ARFGEF1: variants seen among roughly 807,000 people sequenced by gnomAD.
The protein encoded by ARFGEF1 is brefeldin A-inhibited guanine nucleotide-exchange protein 1.
Under a neutral mutation model 231.0 loss-of-function variants are expected in ARFGEF1, and 42 were observed. The observed-to-expected ratio is 0.18, with a 90% CI of 0.14 to 0.24. The LOEUF is 0.24. Ranked by LOEUF, ARFGEF1 falls within the 10% of genes least tolerant of loss-of-function variation. The probability of loss-of-function intolerance (pLI) is 1.00; values close to 1 mark genes in which losing one functional copy is unlikely to be tolerated. For synonymous variants in ARFGEF1, 710 were observed against 732.3 expected, an observed-to-expected ratio of 0.97 and a Z score of 0.49; for missense variants, 1,345 against 2,192.0, an observed-to-expected ratio of 0.61 and a Z score of 7.72.
chr8:67,192,615 T>C (rs1033972135), intron 5 of ARFGEF1, among the ~76,000 whole-genome samples: 1 of 152,194 alleles, frequency 6.6e-6, no homozygotes, highest in Non-Finnish European at 1.5e-5. Flanking sequence ...AACCACAAGA[T>C]CATGAAGATT....
rs896089663 is a variant in ARFGEF1 at position 67,322,004 on chromosome 8, T to C, written c.125-19538A>G. ...CCCTTCCTTGCATTCCACACTCCAATTGTAAAGGAACATTGTAAATCCCCT... is the reference window on the plus strand; with the variant it reads ...CCCTTCCTTGCATTCCACACTCCAACTGTAAAGGAACATTGTAAATCCCCT... On this transcript the variant is annotated intron_variant, in intron 1 of 38. Transcript: ENST00000262215. 5.9e-5 allele frequency among the ~76,000 whole-genome samples: 9 copies of C among 152,182 alleles called. No homozygotes were observed. The East Asian group carries it at 9.6e-4, about 16-fold the overall frequency.
chr8:67,321,553 C>T (rs1328024252), intron 1 of ARFGEF1, among the ~76,000 whole-genome samples: 2 of 152,084 alleles, frequency 1.3e-5, no homozygotes, highest in African/African-American at 4.8e-5. Flanking sequence ...CTCCACCTCC[C>T]GGGTTCACGC....
At chr8:67,259,962 A>C in intron 14 of ARFGEF1, 36 bp from the exon 15 acceptor site, 2 of 1,418,094 alleles carry the variant, frequency 1.4e-6, no homozygotes, top group African/African-American at 2.9e-5. Context: ...AAAAATAGAA[A>C]ACCATTCGTA....
intron 33 of ARFGEF1, among the ~76,000 whole-genome samples, chr8:67,214,051 T>C (rs528526970): frequency 7.2e-5 from 11 of 152,180 alleles, no homozygotes; most frequent in Admixed American, 3.3e-4. Context: ...AGACACATGA[T>C]AGGGAAACAC....
chr8:67,210,063 G>A (rs1838671625), intron 34 of ARFGEF1, among the ~76,000 whole-genome samples: 1 of 150,106 alleles, frequency 6.7e-6, no homozygotes, highest in African/African-American at 2.5e-5. Flanking sequence ...GCTGAGGCAG[G>A]AGAATGGCGT....
intron 15 of ARFGEF1, among the ~76,000 whole-genome samples, chr8:67,259,128 T>C (rs1222920875): frequency 1.3e-5 from 2 of 152,206 alleles, no homozygotes; most frequent in Non-Finnish European, 2.9e-5. Flanking sequence ...CTGAATATTT[T>C]CAATTTGTGG....
intron 5 of ARFGEF1, among the ~76,000 whole-genome samples, chr8:67,293,256 T>C (rs1189778758): frequency 2.6e-5 from 4 of 152,278 alleles, no homozygotes; most frequent in Non-Finnish European, 4.4e-5. Flanking sequence ...AGTTCTGCAG[T>C]TGTTTAAGGG....
In ARFGEF1 at chr8:67,266,885, T is replaced by C. The variant is rs1472971986; in HGVS notation, c.1912A>G (p.Thr638Ala). 3.1e-6 allele frequency: 5 copies of C among 1,611,556 alleles called. No individual in the cohort carries two copies. The highest frequency in any genetic ancestry group is 4.2e-6 in the Non-Finnish European group (5 of 1,178,470). ...KDQYVNPNSQ[T>A]TLGQEKPSEQ... ...CAAAATATCACCTTACCAAGAGTTG[T>C]CTGGGAGTTGGGATTCACATACTGA... The change falls in exon 13 of 39, where the codon ACA becomes GCA. Residue 638 changes from threonine (T) to alanine (A), a missense_variant. Physicochemically the swap from Thr to Ala is moderately conservative, Grantham distance 58. Transcript: ENST00000262215.
At position 67,271,866 on chromosome 8, in the gene ARFGEF1, T is replaced by C; in HGVS notation, c.1408A>G (p.Ile470Val). 1 of 1,613,756 alleles carries C rather than the reference T, an allele frequency of 6.2e-7. No individual in the cohort carries two copies. The highest frequency in any genetic ancestry group is 8.5e-7 in the Non-Finnish European group (1 of 1,179,826). ...ATAAACATCTCATTTGTCCTGAAAA[T>C]AGGTCCTGCATTCTGCAGAATGGAT... ...LLSILQNAGP[I>V]FRTNEMFINA... Residue 470 changes from isoleucine to valine, a missense_variant, in exon 10 of 39, where the codon ATT (isoleucine) becomes GTT (valine). This residue lies in a region of ARFGEF1 where 141 missense variants were observed against 259.9 expected (regional missense o/e 0.54). Coordinates refer to ENST00000262215, the MANE Select transcript of ARFGEF1 (RefSeq NM_006421.5).
chr8:67,192,093 TAC>T lies in ARFGEF1; in HGVS notation c.560+8301_560+8302del, dbSNP rs1365126636. Among the ~76,000 whole-genome samples the T allele has an allele frequency of 9.7e-4, 144 of 148,220 alleles. 1 individual carries two copies. In the Middle Eastern group the frequency reaches 0.014, roughly 14 times the overall value. On this transcript the variant is annotated intron_variant, in intron 5 of 5. Transcript: ENST00000518789. ...TTTTTTTTTTGTTTTTTTTTTTTGATACAGAGTCCTGCTCTGTCACCTAGGCT... is the reference window on the plus strand; with the variant it reads ...TTTTTTTTTTGTTTTTTTTTTTTGATAGAGTCCTGCTCTGTCACCTAGGCT...
intron 24 of ARFGEF1, 36 bp from the exon 25 acceptor site, chr8:67,228,168 T>C (rs760702391): frequency 1.2e-6 from 2 of 1,606,488 alleles, no homozygotes; most frequent in South Asian, 1.1e-5. Context: ...TAGCTCAACA[T>C]TAAAGTTATT....
intron 1 of ARFGEF1, among the ~76,000 whole-genome samples, chr8:67,315,853 C>G (rs757397679): frequency 4.6e-5 from 7 of 151,826 alleles, no homozygotes; most frequent in Non-Finnish European, 7.4e-5. Flanking sequence ...TAAAGGGAGA[C>G]TTACAGCACT....
In ARFGEF1 at chr8:67,197,756, G is replaced by C; in HGVS notation, c.*1178C>G. 2 of 985,772 alleles carry C rather than the reference G, an allele frequency of 2.0e-6. No individual in the cohort carries two copies. The highest frequency in any genetic ancestry group is 2.4e-6 in the Non-Finnish European group (2 of 829,886). The allele number at this position is 985,772 out of a possible 1,614,324, so 61.1% of individuals were successfully genotyped here. A position where few individuals can be genotyped will look rare whatever the true frequency, so the allele number is the denominator to read the frequency against. The stretch of plus-strand genomic sequence containing the variant: ...TCAATATTGTACAGAAAGTTGTACA[G>C]AATTTTTTACATAGAAAACTTTACA... On this transcript the variant is annotated 3_prime_UTR_variant, in exon 39 of 39. Coordinates refer to ENST00000262215, the MANE Select transcript of ARFGEF1 (RefSeq NM_006421.5).
At chr8:67,194,961 C>A (rs1280440195), downstream of ARFGEF1, among the ~76,000 whole-genome samples, 1 of 151,818 alleles carries the variant, frequency 6.6e-6, no homozygotes, top group Non-Finnish European at 1.5e-5. Context: ...AAGAGTATTC[C>A]CCAAACCTTG....
chr8:67,240,260 T>C lies in ARFGEF1; in HGVS notation c.2881A>G (p.Ser961Gly). 1 of 1,608,398 alleles carries C rather than the reference T, an allele frequency of 6.2e-7. No homozygotes were observed. Among genetic ancestry groups the C allele is most frequent in the Admixed American group, 1.7e-5 (1 of 58,512 alleles). Residue 961 changes from serine to glycine, a missense_variant, in exon 20 of 39, where the codon AGT (serine) becomes GGT (glycine). Coordinates refer to ENST00000262215, the MANE Select transcript of ARFGEF1 (RefSeq NM_006421.5). ...TCATCACAATCTTGTAGACCCACAC[T>C]GAATGCAGCCAGAAAAGGCGTCCAA... Reference protein sequence around the residue: ...LAWTPFLAAFSVGLQDCDDTE... With the variant: ...LAWTPFLAAFGVGLQDCDDTE...
chr8:67,183,221 CCTCT>C (rs896528347), intron 5 of ARFGEF1, among the ~76,000 whole-genome samples: 8 of 152,180 alleles, frequency 5.3e-5, no homozygotes, highest in African/African-American at 1.2e-4. Context: ...ATTTTTAACA[CCTCT>C]CTATCAGAAA....
chr8:67,211,855 G>A (rs781547215), intron 33 of ARFGEF1, among the ~76,000 whole-genome samples: 7 of 152,130 alleles, frequency 4.6e-5, no homozygotes, highest in Admixed American at 1.3e-4. Flanking sequence ...ATAAAAATGC[G>A]AAACTTCAAA....
intron 1 of ARFGEF1, among the ~76,000 whole-genome samples, chr8:67,342,670 TCAA>T (rs1165246117): frequency 6.6e-6 from 1 of 152,076 alleles, no homozygotes; most frequent in African/African-American, 2.4e-5. Context: ...CTCAAGACTG[TCAA>T]CAAGGAAACA....
intron 1 of ARFGEF1, among the ~76,000 whole-genome samples, chr8:67,323,704 T>C (rs1046384374): frequency 6.6e-5 from 10 of 152,228 alleles, no homozygotes; most frequent in Non-Finnish European, 1.3e-4. Context: ...GCTTTCCATA[T>C]TCAGTGCCTC....
Sources: allele counts gnomAD v4.1 joint callset (sites outside exome capture counted in the v4.1 genomes callset), GRCh38; gene constraint gnomAD v4.1.1; regional missense constraint gnomAD v4.1.1; transcripts MANE v1.5; gene names NCBI Gene and HGNC (gene_info 2026-07-23, HGNC 2026-07-21).